DCHS2: variants seen among roughly 807,000 people sequenced by gnomAD.
The protein encoded by DCHS2 is dachsous cadherin-related 2, also known as protocadherin-23.
A neutral mutation model predicts 182.4 loss-of-function variants in DCHS2; 142 were observed. That is an observed-to-expected ratio of 0.78 (90% CI 0.68 to 0.89). DCHS2 has a LOEUF of 0.89. Ranked by LOEUF, DCHS2 falls within the 40% of genes least tolerant of loss-of-function variation. DCHS2 has a pLI of 0.00. For missense variants in DCHS2, 4,319 were observed against 4,198.6 expected, an observed-to-expected ratio of 1.03 and a Z score of -0.79; for synonymous variants, 1,740 against 1,663.3, an observed-to-expected ratio of 1.05 and a Z score of -1.12.
chr4:154,393,989 A>G (rs1416166689), intron 1 of DCHS2, among the ~76,000 whole-genome samples: 1 of 152,192 alleles, frequency 6.6e-6, no homozygotes, highest in Non-Finnish European at 1.5e-5. Flanking sequence ...CAATCTAAGT[A>G]AGATTTATCA....
chr4:154,438,910 A>G (rs373118161), intron 1 of DCHS2, among the ~76,000 whole-genome samples: 5 of 152,210 alleles, frequency 3.3e-5, no homozygotes, highest in African/African-American at 1.2e-4. Context: ...GGACATCTAT[A>G]AAGAGTTGGG....
chr4:154,308,260 A>C (rs1055507075), intron 10 of DCHS2, among the ~76,000 whole-genome samples: 4 of 151,968 alleles, frequency 2.6e-5, no homozygotes, highest in African/African-American at 9.7e-5. Flanking sequence ...ATTTAAAAAA[A>C]AAAAACAAAA....
intron 1 of DCHS2, among the ~76,000 whole-genome samples, chr4:154,440,221 C>A (rs1327189156): frequency 6.6e-6 from 1 of 152,122 alleles, no homozygotes; most frequent in Non-Finnish European, 1.5e-5. Flanking sequence ...CAGTGCCCTG[C>A]CTTAGAACCC....
chr4:154,362,709 C>A (rs946876000), intron 3 of DCHS2, among the ~76,000 whole-genome samples: 1 of 152,118 alleles, frequency 6.6e-6, no homozygotes, highest in Non-Finnish European at 1.5e-5. Flanking sequence ...CTACCACCTC[C>A]GACACCCACG....
Position 154,320,402 on chromosome 4 carries a change from G to A in DCHS2, c.4997C>T (p.Thr1666Met), listed in dbSNP as rs1163928835. 14 of 1,613,806 alleles carry A rather than the reference G, an allele frequency of 8.7e-6. No individual in the cohort carries two copies. The highest frequency in any genetic ancestry group is 9.3e-6 in the Non-Finnish European group (11 of 1,179,920). The change falls in exon 9 of 20, where the codon ACG (threonine) becomes ATG (methionine). Residue 1666 changes from threonine (T) to methionine (M), a missense_variant. By Grantham distance (81) the Thr-to-Met change is moderately conservative. Transcript: ENST00000357232. ...ACCTGATGACTCATCTAGCATAAAC[G>A]TCATGTTTTCATTTCCTGAGAGGAT... is the stretch of plus-strand genomic sequence containing the variant. ...YSILSGNENM[T>M]FMLDESSGLL...
At chr4:154,321,361 T>C (rs1736055879) in intron 8 of DCHS2, 139 bp from the exon 9 acceptor site, 2 of 936,900 alleles carry the variant, frequency 2.1e-6, no homozygotes, top group Non-Finnish European at 2.9e-6. Context: ...ATGTCATTTT[T>C]ATATTATATA....
chr4:154,323,292 C>A (rs1233306346), intron 7 of DCHS2: 4 of 1,549,884 alleles, frequency 2.6e-6, no homozygotes, highest in Non-Finnish European at 3.5e-6. Context: ...ACGACTGCTT[C>A]CCAAATGCTG....
chr4:154,444,972 AG>A (rs1379776799), intron 1 of DCHS2, among the ~76,000 whole-genome samples: 2 of 152,132 alleles, frequency 1.3e-5, no homozygotes, highest in Non-Finnish European at 2.9e-5. Flanking sequence ...GGTCCCACAC[AG>A]TTGGGCATGG....
chr4:154,344,885 G>A (rs17301300), intron 3 of DCHS2, among the ~76,000 whole-genome samples: 3,941 of 152,314 alleles, frequency 0.026, 80 homozygotes, highest in Non-Finnish European at 0.043. Context: ...TATAATCCAA[G>A]GAGGCCTGGT....
At chr4:154,322,912 C>A in intron 7 of DCHS2, 1 of 301,520 alleles carries the variant, frequency 3.3e-6, no homozygotes, top group Non-Finnish European at 6.1e-6. Flanking sequence ...CATATTATAC[C>A]TTAAAAATTA....
intron 4 of DCHS2, chr4:154,333,841 C>A (rs763789157): frequency 3.8e-5 from 9 of 238,802 alleles, no homozygotes; most frequent in Non-Finnish European, 7.3e-5. Flanking sequence ...GTGATGTCTG[C>A]ACACTGACAA....
intron 1 of DCHS2, among the ~76,000 whole-genome samples, chr4:154,392,302 A>C (rs1731743457): frequency 6.6e-6 from 1 of 152,202 alleles, no homozygotes. Flanking sequence ...ACCTTCCCAT[A>C]TATGTTTTGT....
At chr4:154,465,158 A>G (rs149845354) in intron 1 of DCHS2, among the ~76,000 whole-genome samples, 51 of 152,258 alleles carry the variant, frequency 3.3e-4, no homozygotes, top group Admixed American at 9.2e-4. Flanking sequence ...TTGCTTCAGG[A>G]CTTCCAACAG....
intron 16 of DCHS2, among the ~76,000 whole-genome samples, 157 bp downstream of exon 16, chr4:154,255,362 C>G (rs1375928511): frequency 6.6e-6 from 1 of 152,072 alleles, no homozygotes; most frequent in Non-Finnish European, 1.5e-5. Flanking sequence ...TTTTCAATAT[C>G]AAAAAGAGTA....
chr4:154,402,645 C>A (rs535119402), intron 1 of DCHS2, among the ~76,000 whole-genome samples: 35 of 152,292 alleles, frequency 2.3e-4, no homozygotes, highest in Non-Finnish European at 5.1e-4. Context: ...TCTTACATGG[C>A]AGCAGGGACT....
intron 3 of DCHS2, among the ~76,000 whole-genome samples, chr4:154,345,446 C>G (rs548983555): frequency 6.6e-6 from 1 of 152,358 alleles, no homozygotes; most frequent in East Asian, 1.9e-4. Context: ...GTAATAATCA[C>G]TATGGCTTGA....
intron 3 of DCHS2, among the ~76,000 whole-genome samples, chr4:154,338,535 T>C (rs1728919562): frequency 6.6e-6 from 1 of 152,220 alleles, no homozygotes; most frequent in Admixed American, 6.5e-5. Flanking sequence ...GTTATTTATG[T>C]ACATTCTCCA....
chr4:154,482,340 C>A (rs1008964196), intron 1 of DCHS2, among the ~76,000 whole-genome samples: 2 of 152,176 alleles, frequency 1.3e-5, no homozygotes, highest in East Asian at 3.8e-4. Flanking sequence ...TTAGCAGCTA[C>A]ATTTTTTTCA....
rs1728805204 is a variant in DCHS2 at position 154,490,907 on chromosome 4, A to G, written c.449T>C (p.Val150Ala). The change falls in exon 1 of 20, where the codon GTG becomes GCG. Residue 150 changes from valine to alanine, a missense_variant. Coordinates refer to ENST00000357232, the MANE Select transcript of DCHS2 (RefSeq NM_001358235.2). ...SFVAATLLGA[V>A]VQVEIRVNDV... is the part of the protein sequence containing the mutation. ...GTTGACGCGAATCTCCACCTGCACC[A>G]CAGCGCCCAGCAGCGTGGCGGCGAC... 6.4e-7 allele frequency: 1 copy of G among 1,551,212 alleles called. No individual in the cohort carries two copies. Among genetic ancestry groups the G allele is most frequent in the Non-Finnish European group, 8.7e-7 (1 of 1,146,906 alleles).
Sources: gnomAD v4.1 joint callset for allele counts (sites outside exome capture counted in the v4.1 genomes callset) on GRCh38, gnomAD v4.1.1 for gene constraint, MANE v1.5 for transcripts, NCBI Gene and HGNC (gene_info 2026-07-23, HGNC 2026-07-21) for gene names.